Variants in HDX observed in about 807,000 individuals in gnomAD.
HDX encodes chromosome X open reading frame 43.
HDX carries 19 observed loss-of-function variants against 45.2 expected under a neutral mutation model. That is an observed-to-expected ratio of 0.42 (90% confidence interval 0.29 to 0.62). The LOEUF is 0.62. Ranked by LOEUF, HDX falls within the 20% of genes least tolerant of loss-of-function variation. HDX has a pLI of 0.20. For synonymous variants in HDX, 188 were observed against 172.8 expected (o/e 1.09, Z -0.69); for missense variants, 532 against 493.9 (o/e 1.08, Z -0.73).
intron 5 of HDX, among the ~76,000 whole-genome samples, chrX:84,409,023 CAAGA>C (rs781739114): frequency 8.1e-5 from 9 of 110,720 alleles, no homozygotes; most frequent in African/African-American, 1.3e-4. Flanking sequence ...AACAAATTTA[CAAGA>C]AAGAAACAAA....
At chrX:84,483,004 A>G (rs1281296823) in intron 2 of HDX, among the ~76,000 whole-genome samples, 1 of 111,984 alleles carries the variant, frequency 8.9e-6, no homozygotes, top group Admixed American at 9.4e-5. Context: ...AAAGTTCCAA[A>G]GTGATCTCCT....
At chrX:84,428,975 T>C (rs759145665) in intron 5 of HDX, among the ~76,000 whole-genome samples, 2 of 110,584 alleles carry the variant, frequency 1.8e-5, no homozygotes, top group Non-Finnish European at 3.8e-5. Flanking sequence ...GACTACCCTG[T>C]TTCCACTGAA....
At chrX:84,412,471 C>G (rs992027536) in intron 5 of HDX, among the ~76,000 whole-genome samples, 4 of 111,273 alleles carry the variant, frequency 3.6e-5, no homozygotes, top group Non-Finnish European at 5.7e-5. Context: ...TTTAATTTTT[C>G]TAATAGTGCA....
intron 5 of HDX, among the ~76,000 whole-genome samples, chrX:84,417,847 A>G (rs907520378): frequency 8.9e-6 from 1 of 111,801 alleles, no homozygotes; most frequent in African/African-American, 3.3e-5. Flanking sequence ...ACCATATACA[A>G]GGCTTGGAAA....
Position 84,344,351 on chromosome X carries a change from A to G in HDX, c.1559T>C (p.Leu520Ser), listed in dbSNP as rs1424832257. The G allele has an allele frequency of 1.7e-6, 2 of 1,203,866 alleles. No homozygotes were observed. The highest frequency in any genetic ancestry group is 2.2e-6 in the Non-Finnish European group (2 of 890,101). Residue 520 changes from leucine to serine, a missense_variant, in exon 7 of 11, where the codon TTA becomes TCA. Coordinates refer to ENST00000373177, the MANE Select transcript of HDX (RefSeq NM_001177479.2). ...DFSEQPESGS[L>S]SALTPGEEAG... is the part of the protein sequence containing the mutation. ...TTCCTCTCCTGGTGTGAGTGCAGAT[A>G]AAGAACCAGACTCAGGCTGCTCAGA...
chrX:84,467,557 C>T (rs1046598770), intron 4 of HDX, among the ~76,000 whole-genome samples: 1 of 104,986 alleles, frequency 9.5e-6, no homozygotes, highest in Non-Finnish European at 1.9e-5. Context: ...AACCAGGGAG[C>T]GGAGGTTGCA....
intron 5 of HDX, among the ~76,000 whole-genome samples, chrX:84,417,525 C>T (rs1256747197): frequency 8.9e-6 from 1 of 112,422 alleles, no homozygotes; most frequent in Non-Finnish European, 1.9e-5. Context: ...TACAATATCT[C>T]TTGACTTTCA....
intron 4 of HDX, among the ~76,000 whole-genome samples, chrX:84,467,622 T>A (rs1293017573): frequency 1.6e-4 from 12 of 73,612 alleles, no homozygotes; most frequent in Non-Finnish European, 3.1e-4. Flanking sequence ...CAAGACTCCG[T>A]CAAAAAAAAA....
chrX:84,336,346 A>G (rs753602772), intron 8 of HDX, among the ~76,000 whole-genome samples: 3 of 111,038 alleles, frequency 2.7e-5, no homozygotes, highest in Non-Finnish European at 5.7e-5. Context: ...AGGAGGAAAA[A>G]AGTTCCAAAC....
intron 5 of HDX, among the ~76,000 whole-genome samples, chrX:84,418,337 T>C (rs1361207046): frequency 9.0e-6 from 1 of 111,537 alleles, no homozygotes; most frequent in Non-Finnish European, 1.9e-5. Flanking sequence ...AGAAAACAGA[T>C]AGACAACTGA....
chrX:84,475,146 T>C (rs2040522162), intron 3 of HDX, 105 bp downstream of exon 3: 1 of 612,823 alleles, frequency 1.6e-6, no homozygotes, highest in African/African-American at 2.3e-5. Flanking sequence ...AGTGAAGCTG[T>C]TTATAAAATT....
chrX:84,376,089 C>A (rs1237136759), intron 5 of HDX, among the ~76,000 whole-genome samples: 1 of 112,223 alleles, frequency 8.9e-6, no homozygotes, highest in Non-Finnish European at 1.9e-5. Flanking sequence ...CTGGAGATCA[C>A]CTGCTAGGCC....
In HDX at chrX:84,322,103, T is replaced by A. The variant is rs529772393; in HGVS notation, c.1948-89A>T. The A allele has an allele frequency of 4.4e-5, 24 of 548,425 alleles. No homozygotes were observed. In the South Asian group the frequency reaches 1.1e-3, roughly 26 times the overall value. 45.2% of individuals were successfully genotyped at this position (548,425 alleles called of 1,213,427 possible). ...ATAGTTGTAGTCCTCCCATGGTGAA[T>A]TATCCTTATGGATTTAAAGAATAAT... On this transcript the variant is annotated intron_variant, in intron 10 of 10. Transcript: ENST00000373177.
At chrX:84,342,113 C>T in intron 7 of HDX, among the ~76,000 whole-genome samples, 1 of 111,317 alleles carries the variant, frequency 9.0e-6, no homozygotes, top group Middle Eastern at 4.6e-3. Flanking sequence ...TTCCATATTT[C>T]TTTTTATGTC....
intron 5 of HDX, among the ~76,000 whole-genome samples, chrX:84,387,606 T>C (rs2038348530): frequency 1.8e-5 from 2 of 112,140 alleles, no homozygotes; most frequent in African/African-American, 6.5e-5. Context: ...TTTGTTGGTT[T>C]AAAGTCTGTT....
intron 6 of HDX, among the ~76,000 whole-genome samples, chrX:84,344,745 A>G (rs1018000006): frequency 9.0e-6 from 1 of 111,270 alleles, no homozygotes; most frequent in African/African-American, 3.3e-5. Context: ...TGATCGAATC[A>G]TGATGGTTAG....
chrX:84,321,745 C>T lies in HDX; in HGVS notation c.*144G>A, dbSNP rs1180890305. 2.5e-6 allele frequency: 1 copy of T among 393,431 alleles called. No individual in the cohort carries two copies. 32.4% of individuals were successfully genotyped at this position (393,431 alleles called of 1,213,427 possible). ...TTTTGTTGCACTGTAGCCATTATAT[C>T]TTGTACATTCTTCACAGAATACGTC... On this transcript the variant is annotated 3_prime_UTR_variant, in exon 11 of 11. Coordinates refer to ENST00000373177, the MANE Select transcript of HDX (RefSeq NM_001177479.2).
At chrX:84,333,135 A>T (rs1173552966) in intron 9 of HDX, among the ~76,000 whole-genome samples, 1 of 111,755 alleles carries the variant, frequency 8.9e-6, no homozygotes, top group Non-Finnish European at 1.9e-5. Flanking sequence ...GATAATGATT[A>T]TCAAAGGGAC....
intron 1 of HDX, chrX:84,501,444 T>G (rs2041116125): frequency 8.9e-6 from 1 of 112,028 alleles, no homozygotes; most frequent in Admixed American, 9.4e-5. Context: ...GCCTCCACAA[T>G]GGACTTCATT....
Sources: gnomAD v4.1 joint callset for allele counts (sites outside exome capture counted in the v4.1 genomes callset) on GRCh38, gnomAD v4.1.1 for gene constraint, MANE v1.5 for transcripts, NCBI Gene and HGNC (gene_info 2026-07-23, HGNC 2026-07-21) for gene names.